The following P2RX5 variants were observed in gnomAD, a reference collection of about 807,000 sequenced individuals.
P2RX5 encodes P2X purinoceptor 5.
In P2RX5, 46 loss-of-function variants were observed where a neutral mutation model predicts 54.1. The ratio of observed to expected loss-of-function variants is 0.85; its 90% CI spans 0.67 to 1.09. The LOEUF is 1.09. P2RX5 is among the 50% of genes least tolerant of loss of function. P2RX5 has a pLI of 0.00. For synonymous variants in P2RX5, 226 were observed against 226.4 expected (o/e 1.00, Z 0.02); for missense variants, 566 against 549.8 (o/e 1.03, Z -0.29).
At chr17:3,691,832 C>CGAAGCCT in intron 1 of P2RX5, 38 bp from the exon 2 acceptor site, 1 of 1,612,946 alleles carries the variant, frequency 6.2e-7, no homozygotes, top group Non-Finnish European at 8.5e-7. Context: ...ATCAGCCACT[C>CGAAGCCT]TGCTGGCTTC....
the P2RX5 span, chr17:3,717,046 CAGG>C: frequency 5.0e-6 from 2 of 397,818 alleles, no homozygotes; most frequent in South Asian, 5.3e-5. Context: ...CTAGGTCTGT[CAGG>C]AGATTATGAC....
chr17:3,676,174 C>T (rs1178367908), intron 11 of P2RX5: 1 of 985,398 alleles, frequency 1.0e-6, no homozygotes, highest in East Asian at 1.1e-4. Context: ...CTCCAGGTTT[C>T]TCACCTTGGG....
At chr17:3,676,670 T>C in intron 11 of P2RX5, 2 of 843,356 alleles carry the variant, frequency 2.4e-6, no homozygotes, top group Non-Finnish European at 2.8e-6. Context: ...ACAGATCACC[T>C]TGGAATCTTG....
chr17:3,696,071 C>T lies in P2RX5; in HGVS notation c.-66G>A, dbSNP rs1379249811. ...TGCGCTCATGGGGAGCACTCGGTCC[C>T]TCGGTCCCTGCGCGCCCGGCGCCCG... On this transcript the variant is annotated 5_prime_UTR_variant, in exon 1 of 12. Transcript: ENST00000225328. 1 of 1,567,320 alleles carries T rather than the reference C, an allele frequency of 6.4e-7. No individual in the cohort carries two copies. Among genetic ancestry groups the T allele is most frequent in the African/African-American group, 1.4e-5 (1 of 73,044 alleles).
intron 11 of P2RX5, among the ~76,000 whole-genome samples, chr17:3,679,189 A>T (rs2050172026): frequency 6.6e-6 from 1 of 152,166 alleles, no homozygotes; most frequent in African/African-American, 2.4e-5. Context: ...TGAGCAAATT[A>T]CCGAGCCTTT....
At position 3,696,136 on chromosome 17, in the gene P2RX5, G is replaced by T; in HGVS notation, c.-131C>A. ...CGCCCGCTCAGCTGCAGCCCGGGGT[G>T]TCCGGCAGGGCTGCGGGGCGCGGGG... On this transcript the variant is annotated 5_prime_UTR_variant, in exon 1 of 12. Transcript: ENST00000225328. The T allele has an allele frequency of 2.1e-6, 2 of 954,110 alleles. No homozygotes were observed. The highest frequency in any genetic ancestry group is 2.8e-6 in the Non-Finnish European group (2 of 714,032). The allele number at this position is 954,110 out of a possible 1,614,324, so 59.1% of individuals were successfully genotyped here.
Position 3,691,639 on chromosome 17 carries a change from C to T in P2RX5, c.288+5G>A, listed in dbSNP as rs2050620446. 1.2e-6 allele frequency: 2 copies of T among 1,614,172 alleles called. No homozygotes were observed. Among genetic ancestry groups the T allele is most frequent in the Non-Finnish European group, 1.7e-6 (2 of 1,180,046 alleles). On this transcript the variant is annotated splice_donor_5th_base_variant and intron_variant, in intron 2 of 11. Transcript: ENST00000225328. ...CTTGGCCGTGTGCTAGGTGGGGACTCAGACCTGGGCTGGAATGACGTAGTC... is the reference window on the plus strand; with the variant it reads ...CTTGGCCGTGTGCTAGGTGGGGACTTAGACCTGGGCTGGAATGACGTAGTC...
Position 3,689,906 on chromosome 17 carries a change from GCA to G in P2RX5, c.614+162_614+163del, listed in dbSNP as rs756571368. On this transcript the variant is annotated intron_variant, in intron 6 of 11. Coordinates refer to ENST00000225328, the MANE Select transcript of P2RX5 (RefSeq NM_002561.4). ...CACACACACAAACGCACGCACACATGCACACAGACACATGCACGCGCACACAC... is the reference window on the plus strand; with the variant it reads ...CACACACACAAACGCACGCACACATGCACAGACACATGCACGCGCACACAC... Among the ~76,000 whole-genome samples, 300 of 151,146 alleles carry G rather than the reference GCA, an allele frequency of 2.0e-3. No homozygotes were observed. The Middle Eastern group carries it at 0.021, about 10-fold the overall frequency.
the P2RX5 span, among the ~76,000 whole-genome samples, chr17:3,712,463 G>A: frequency 6.6e-6 from 1 of 152,184 alleles, no homozygotes; most frequent in Admixed American, 6.5e-5. Flanking sequence ...GAGGCAGGCA[G>A]AGGAGGGCCA....
Position 3,688,088 on chromosome 17 carries a change from C to A in P2RX5, c.905G>T (p.Arg302Leu). The A allele has an allele frequency of 6.2e-7, 1 of 1,602,836 alleles. No individual in the cohort carries two copies. Residue 302 changes from arginine (R) to leucine (L), a missense_variant, in exon 9 of 12, where the codon CGA becomes CTA. By Grantham distance (102) the Arg-to-Leu change is moderately radical. Transcript: ENST00000225328. ...GYNFRFARYY[R>L]DAAGVEFRTL... ...GCGGAACTCCACCCCGGCTGCGTCT[C>A]GGTAATATCTGGCAAATCTGAGGGA...
chr17:3,716,702 C>A, the P2RX5 span: 2 of 1,595,884 alleles, frequency 1.3e-6, no homozygotes, highest in South Asian at 1.1e-5. Context: ...AACAGGATGA[C>A]CAGAATCACG....
intron 11 of P2RX5, chr17:3,677,201 G>C (rs376289099): frequency 1.0e-6 from 1 of 985,262 alleles, no homozygotes; most frequent in Admixed American, 6.1e-5. Context: ...AACTCAGCCC[G>C]TTTACACCTG....
chr17:3,715,485 G>A, the P2RX5 span, among the ~76,000 whole-genome samples: 1 of 152,156 alleles, frequency 6.6e-6, no homozygotes. Flanking sequence ...AGCAGTCATG[G>A]AGGGCATTCC....
chr17:3,679,974 CCT>C (rs1020721938), intron 10 of P2RX5, among the ~76,000 whole-genome samples, 190 bp from the exon 11 acceptor site: 12 of 150,914 alleles, frequency 8.0e-5, no homozygotes, highest in Admixed American at 3.9e-4. Context: ...CTCTCTCCAC[CCT>C]GAGTCCTCCA....
At chr17:3,719,016 G>A in the P2RX5 span, among the ~76,000 whole-genome samples, 2 of 152,060 alleles carry the variant, frequency 1.3e-5, no homozygotes, top group Admixed American at 1.3e-4. Flanking sequence ...CAGATCACCT[G>A]AGGTCAGAAG....
At chr17:3,699,104 T>TATATATAA (rs2050799259), upstream of P2RX5, among the ~76,000 whole-genome samples, 2 of 111,118 alleles carry the variant, frequency 1.8e-5, no homozygotes, top group Non-Finnish European at 4.1e-5. Context: ...CCTATATATA[T>TATATATAA]AACTAGCCAA....
the P2RX5 span, chr17:3,723,153 C>G: frequency 1.2e-5 from 8 of 650,704 alleles, no homozygotes; most frequent in Non-Finnish European, 2.2e-5. Flanking sequence ...CGGGTTGGGA[C>G]AGAGGGTTGG....
At chr17:3,680,723 ATCCTCCACCCTGCG>A (rs1567730755) in intron 10 of P2RX5, among the ~76,000 whole-genome samples, 69 of 73,130 alleles carry the variant, frequency 9.4e-4, no homozygotes, top group African/African-American at 2.0e-3. Context: ...TCCACCCTGC[ATCCTCCACCCTGCG>A]TCCTCCACCC....
chr17:3,723,161 T>C, the P2RX5 span: 1 of 679,244 alleles, frequency 1.5e-6, no homozygotes. Context: ...GACAGAGGGT[T>C]GGTTTTTTGC....
Sources: gnomAD v4.1 joint callset for allele counts (sites outside exome capture counted in the v4.1 genomes callset) on GRCh38, gnomAD v4.1.1 for gene constraint, MANE v1.5 for transcripts, NCBI Gene and HGNC (gene_info 2026-07-23, HGNC 2026-07-21) for gene names.